HRK: variants seen among roughly 807,000 people sequenced by gnomAD.
HRK encodes activator of apoptosis harakiri.
HRK carries 6 observed loss-of-function variants against 5.9 expected under a neutral mutation model. That is an observed-to-expected ratio of 1.02 (90% CI 0.56 to 2.01). HRK has a LOEUF of 2.01. Ranked by LOEUF, HRK falls within the 30% of genes most tolerant of loss-of-function variation. The pLI, the probability that HRK is intolerant of heterozygous loss-of-function variation, is 0.00. For missense variants in HRK, 133 were observed against 128.3 expected (o/e 1.04, Z -0.18); for synonymous variants, 85 against 65.1 (o/e 1.31, Z -1.47).
rs1878273948 is a variant in HRK, at chr12:116,859,376, T to C, written c.*2147A>G. 2 of 152,196 alleles carry C rather than the reference T, an allele frequency of 1.3e-5. No individual in the cohort carries two copies. Among genetic ancestry groups the C allele is most frequent in the African/African-American group, 4.8e-5 (2 of 41,508 alleles). The allele number at this position is 152,196 out of a possible 1,614,324, so 9.4% of individuals were successfully genotyped here. ...AGAACTGTGATTGGATACAGCTGTG[T>C]AGTAATGGACGCCCCTCCCCAGAAA... is the stretch of plus-strand genomic sequence containing the variant. On this transcript the variant is annotated 3_prime_UTR_variant, in exon 2 of 2. Coordinates refer to ENST00000257572, the MANE Select transcript of HRK (RefSeq NM_003806.4).
intron 1 of HRK, among the ~76,000 whole-genome samples, chr12:116,872,798 C>T (rs1878801437): frequency 7.5e-6 from 1 of 133,492 alleles, no homozygotes; most frequent in African/African-American, 2.9e-5. Context: ...GAGAGAGAGA[C>T]AGAGACAGAA....
At chr12:116,866,359 C>G (rs1486169574) in intron 1 of HRK, among the ~76,000 whole-genome samples, 1 of 147,626 alleles carries the variant, frequency 6.8e-6, no homozygotes, top group African/African-American at 2.5e-5. Flanking sequence ...GAGTTTGAGG[C>G]CAACCTGGAC....
chr12:116,858,696 C>T lies in HRK; in HGVS notation c.*2827G>A, dbSNP rs927311030. On this transcript the variant is annotated 3_prime_UTR_variant, in exon 2 of 2. Transcript: ENST00000257572. ...AAAGCCTCCCTCCCTTTCTCTCTCTCTCTCTTCACAGACGCTCTGCAGTGA... is the reference window on the plus strand; with the variant it reads ...AAAGCCTCCCTCCCTTTCTCTCTCTTTCTCTTCACAGACGCTCTGCAGTGA... 6.6e-6 allele frequency: 1 copy of T among 151,832 alleles called. No homozygotes were observed. The highest frequency in any genetic ancestry group is 2.4e-5 in the African/African-American group (1 of 41,298). 9.4% of individuals were successfully genotyped at this position (151,832 alleles called of 1,614,324 possible). A position where few individuals can be genotyped will look rare whatever the true frequency, so the allele number is the denominator to read the frequency against.
Position 116,879,846 on chromosome 12 carries a change from C to T in HRK, c.*56+1130G>A, listed in dbSNP as rs1182496314. Among the ~76,000 whole-genome samples, 1 of 152,304 alleles carries T rather than the reference C, an allele frequency of 6.6e-6. No homozygotes were observed. The highest frequency in any genetic ancestry group is 2.1e-4 in the South Asian group (1 of 4,828). On this transcript the variant is annotated intron_variant, in intron 1 of 1. Coordinates refer to ENST00000257572, the MANE Select transcript of HRK (RefSeq NM_003806.4). This position sits in a 1 kb window ranked among gnomAD's most constrained non-coding sequence, Gnocchi z 5.6. ...GGTGTCTGCGGCGCGCGGCGGGGCT[C>T]GGGGGCGGGGACCTAAGGGCGGCTG... is the stretch of plus-strand genomic sequence containing the variant.
At chr12:116,875,052 T>G (rs1041350392) in intron 1 of HRK, among the ~76,000 whole-genome samples, 1 of 151,994 alleles carries the variant, frequency 6.6e-6, no homozygotes, top group South Asian at 2.1e-4. Flanking sequence ...GAAAAAAAAA[T>G]TTAAAAATAA....
At chr12:116,868,189 C>G (rs933922183) in intron 1 of HRK, among the ~76,000 whole-genome samples, 2 of 151,630 alleles carry the variant, frequency 1.3e-5, no homozygotes, top group African/African-American at 4.8e-5. Context: ...CTGCTGGGCT[C>G]AAGTGATCCT....
At chr12:116,880,756 G>T (rs1278291435) in intron 1 of HRK, among the ~76,000 whole-genome samples, 2 of 152,136 alleles carry the variant, frequency 1.3e-5, no homozygotes, top group African/African-American at 2.4e-5. Flanking sequence ...TTAAGGACTC[G>T]CAGAGATGGG....
chr12:116,863,688 A>G lies in HRK; in HGVS notation c.*57-2222T>C, dbSNP rs1878442054. The stretch of plus-strand genomic sequence containing the variant: ...ACAAGGATCCAAATCAGTGACTTCA[A>G]ACCTTTTGCTTTTTTTTTTTTTTTT... On this transcript the variant is annotated intron_variant, in intron 1 of 1. Coordinates refer to ENST00000257572, the MANE Select transcript of HRK (RefSeq NM_003806.4). Among the ~76,000 whole-genome samples, 5 of 151,066 alleles carry G rather than the reference A, an allele frequency of 3.3e-5. No homozygotes were observed. In the South Asian group the frequency reaches 1.0e-3, roughly 32 times the overall value.
rs1364448238 is a variant in HRK at position 116,858,530 on chromosome 12, G to A, written c.*2993C>T. 1 of 144,494 alleles carries A rather than the reference G, an allele frequency of 6.9e-6. No individual in the cohort carries two copies. The highest frequency in any genetic ancestry group is 2.5e-5 in the African/African-American group (1 of 39,278). The allele number at this position is 144,494 out of a possible 1,614,324, so 9.0% of individuals were successfully genotyped here. On this transcript the variant is annotated 3_prime_UTR_variant, in exon 2 of 2. Coordinates refer to ENST00000257572, the MANE Select transcript of HRK (RefSeq NM_003806.4). ...GTCTCTTCATCTCATTATGCAGCAA[G>A]CTACCTAAACGATGATCTCAGAGGC... is the stretch of plus-strand genomic sequence containing the variant.
intron 1 of HRK, among the ~76,000 whole-genome samples, chr12:116,880,095 C>G (rs944046269): frequency 2.0e-5 from 3 of 152,158 alleles, no homozygotes; most frequent in Non-Finnish European, 4.4e-5. Context: ...ACCTTCCTCC[C>G]ACTGATACCA....
At chr12:116,867,536 A>G (rs1461172001) in intron 1 of HRK, 1 of 152,154 alleles carries the variant, frequency 6.6e-6, no homozygotes, top group Non-Finnish European at 1.5e-5. Flanking sequence ...TAAGCTCAGG[A>G]GTTTAAGTTA....
chr12:116,872,608 C>T lies in HRK; in HGVS notation c.*56+8368G>A, dbSNP rs1355220263. On this transcript the variant is annotated intron_variant, in intron 1 of 1. Transcript: ENST00000257572. ...TGGGCAACATAGCAAAACCCTGTCT[C>T]TACAAAAAATACAAAAATTAGCCAG... 4.6e-5 allele frequency among the ~76,000 whole-genome samples: 7 copies of T among 151,814 alleles called. No individual in the cohort carries two copies. In the East Asian group the frequency reaches 7.8e-4, roughly 17 times the overall value.
At position 116,879,715 on chromosome 12, in the gene HRK, C is replaced by T. The variant is rs1228718496; in HGVS notation, c.*56+1261G>A. ...CGGTCCCGGCTCACACCCCGCGCACCCCCGCAGCTCCCTGGGCGCTGCCAC... is the reference window on the plus strand; with the variant it reads ...CGGTCCCGGCTCACACCCCGCGCACTCCCGCAGCTCCCTGGGCGCTGCCAC... On this transcript the variant is annotated intron_variant, in intron 1 of 1. Transcript: ENST00000257572. The surrounding 1 kb of genome is among the most constrained non-coding windows in gnomAD (Gnocchi z 5.6). 2 of 152,210 alleles carry T rather than the reference C, an allele frequency of 1.3e-5. No homozygotes were observed. The highest frequency in any genetic ancestry group is 4.8e-5 in the African/African-American group (2 of 41,460). 9.4% of individuals were successfully genotyped at this position (152,210 alleles called of 1,614,324 possible).
chr12:116,867,142 CTTT>C (rs1273115320), intron 1 of HRK, among the ~76,000 whole-genome samples: 2 of 137,050 alleles, frequency 1.5e-5, no homozygotes, highest in Non-Finnish European at 3.2e-5. Context: ...CAAAAAAAAA[CTTT>C]TTTTTTTTTT....
At chr12:116,870,577 C>T (rs1878710081) in intron 1 of HRK, among the ~76,000 whole-genome samples, 1 of 152,144 alleles carries the variant, frequency 6.6e-6, no homozygotes, top group African/African-American at 2.4e-5. Flanking sequence ...CTTTGGAAGG[C>T]TAAGGCAGAA....
chr12:116,871,227 G>A (rs1235704548), intron 1 of HRK, among the ~76,000 whole-genome samples: 1 of 151,662 alleles, frequency 6.6e-6, no homozygotes, highest in East Asian at 1.9e-4. Context: ...AAAGTGCTGG[G>A]ATTACAGGTG....
chr12:116,875,550 AT>A (rs1046012384), intron 1 of HRK, among the ~76,000 whole-genome samples: 22 of 151,920 alleles, frequency 1.4e-4, no homozygotes, highest in Non-Finnish European at 2.8e-4. Flanking sequence ...TTTATTTTTT[AT>A]TTTTTTGTAA....
intron 1 of HRK, among the ~76,000 whole-genome samples, chr12:116,865,986 C>CAT (rs1451555503): frequency 6.6e-6 from 1 of 151,634 alleles, no homozygotes; most frequent in Non-Finnish European, 1.5e-5. Flanking sequence ...GGTAAAACCC[C>CAT]ATCTCTACTA....
Position 116,881,083 on chromosome 12 carries a change from G to C in HRK, c.225C>G (p.Ala75=), listed in dbSNP as rs1323032829. Residue 75 remains alanine, a synonymous_variant, in exon 1 of 2, where the codon GCC becomes GCG. Coordinates refer to ENST00000257572, the MANE Select transcript of HRK (RefSeq NM_003806.4). ...AGGCCGCCAGCGCCGCCACCTGCGC[G>C]GCCGCGCACAGCCAAGGCCAGTAGG... ...LPTYWPWLCA[A]AQVAALAAWL... is the part of the protein sequence containing the mutation. The C allele has an allele frequency of 7.4e-7, 1 of 1,343,358 alleles. No homozygotes were observed. Among genetic ancestry groups the C allele is most frequent in the Non-Finnish European group, 9.5e-7 (1 of 1,048,746 alleles). 83.2% of individuals were successfully genotyped at this position (1,343,358 alleles called of 1,614,324 possible).
Sources: allele counts gnomAD v4.1 joint callset (sites outside exome capture counted in the v4.1 genomes callset), GRCh38; gene constraint gnomAD v4.1.1; non-coding constraint Gnocchi (gnomAD v3.1); transcripts MANE v1.5; gene names NCBI Gene and HGNC (gene_info 2026-07-23, HGNC 2026-07-21).